The following SNTB2 variants were observed in gnomAD, a reference collection of about 807,000 sequenced individuals.
The protein encoded by SNTB2 is syntrophin beta 2.
In SNTB2, 34 loss-of-function variants were observed where a neutral mutation model predicts 46.2. That is an observed-to-expected ratio of 0.74 (90% confidence interval 0.56 to 0.98). SNTB2 has a LOEUF of 0.98. SNTB2 is among the 50% of genes least tolerant of loss of function. SNTB2 has a pLI of 0.00. For synonymous variants in SNTB2, 290 were observed against 312.6 expected (o/e 0.93, Z 0.76); for missense variants, 603 against 731.4 (o/e 0.82, Z 2.02).
At position 69,304,143 on chromosome 16, in the gene SNTB2, C is replaced by G. The variant is rs1965297844; in HGVS notation, c.*3219C>G. On this transcript the variant is annotated 3_prime_UTR_variant, in exon 7 of 7. Coordinates refer to ENST00000336278, the MANE Select transcript of SNTB2 (RefSeq NM_006750.4). ...GAAAAGGAAAGGAACAAAAGAAAAA[C>G]ATTCAGTTTTTCTTTTTCTGAAAAA... The G allele has an allele frequency of 6.6e-6, 1 of 152,194 alleles. No homozygotes were observed. The allele number at this position is 152,194 out of a possible 1,614,324, so 9.4% of individuals were successfully genotyped here. A position where few individuals can be genotyped will look rare whatever the true frequency, so the allele number is the denominator to read the frequency against.
At chr16:69,227,868 A>G (rs535345916) in intron 1 of SNTB2, among the ~76,000 whole-genome samples, 66 of 124,274 alleles carry the variant, frequency 5.3e-4, no homozygotes, top group Non-Finnish European at 1.0e-3. Flanking sequence ...TTTTTTTTTA[A>G]GATAAGTAAG....
intron 1 of SNTB2, among the ~76,000 whole-genome samples, chr16:69,194,691 T>C (rs532035870): frequency 5.9e-5 from 9 of 152,310 alleles, no homozygotes; most frequent in African/African-American, 2.2e-4. Flanking sequence ...CCAGATGTTC[T>C]ATTTGGCCAG....
chr16:69,281,485 G>GTTT (rs575825315), intron 4 of SNTB2, among the ~76,000 whole-genome samples: 117 of 135,818 alleles, frequency 8.6e-4, no homozygotes, highest in Non-Finnish European at 1.1e-3. Flanking sequence ...GTAAGGTCTG[G>GTTT]TTTTTTTTTT....
intron 1 of SNTB2, among the ~76,000 whole-genome samples, chr16:69,239,613 A>G (rs907816639): frequency 3.9e-5 from 6 of 152,124 alleles, no homozygotes; most frequent in African/African-American, 1.2e-4. Flanking sequence ...CAGTGGCGCA[A>G]TCTCAGCTCA....
chr16:69,260,334 T>G, intron 3 of SNTB2, 74 bp downstream of exon 3: 1 of 1,358,076 alleles, frequency 7.4e-7, no homozygotes, highest in Non-Finnish European at 1.0e-6. Context: ...TTAATATATC[T>G]GTAATACTTA....
chr16:69,225,794 G>T (rs967918886), intron 1 of SNTB2, among the ~76,000 whole-genome samples: 3 of 152,210 alleles, frequency 2.0e-5, no homozygotes, highest in Admixed American at 6.5e-5. Flanking sequence ...TGGAGACGGA[G>T]TCTCACTCTG....
intron 5 of SNTB2, among the ~76,000 whole-genome samples, chr16:69,286,642 G>A (rs1965105212): frequency 6.6e-6 from 1 of 151,636 alleles, no homozygotes; most frequent in South Asian, 2.1e-4. Flanking sequence ...CTATGGTAGT[G>A]CCATGGCACT....
At position 69,307,541 on chromosome 16, in the gene SNTB2, C is replaced by A. The variant is rs1965325481; in HGVS notation, c.*6617C>A. On this transcript the variant is annotated 3_prime_UTR_variant, in exon 7 of 7. Coordinates refer to ENST00000336278, the MANE Select transcript of SNTB2 (RefSeq NM_006750.4). Reference sequence around the variant, plus strand: ...TGCTTCTTTAACTGTAACAGCAAAACTAAATGCATATTTTATCAACCCCTT... The same window carrying A: ...TGCTTCTTTAACTGTAACAGCAAAAATAAATGCATATTTTATCAACCCCTT... The A allele has an allele frequency of 6.6e-6, 1 of 152,122 alleles. No individual in the cohort carries two copies. The highest frequency in any genetic ancestry group is 1.5e-5 in the Non-Finnish European group (1 of 68,020). The allele number at this position is 152,122 out of a possible 1,614,324, so 9.4% of individuals were successfully genotyped here.
intron 5 of SNTB2, among the ~76,000 whole-genome samples, chr16:69,284,554 G>A (rs772997881): frequency 2.7e-5 from 4 of 148,514 alleles, no homozygotes; most frequent in Non-Finnish European, 5.9e-5. Context: ...CAGGTGGATT[G>A]CCTGAGCTCA....
chr16:69,269,520 A>C (rs527764829), intron 3 of SNTB2, among the ~76,000 whole-genome samples: 3 of 152,344 alleles, frequency 2.0e-5, no homozygotes, highest in South Asian at 4.1e-4. Flanking sequence ...TCTCAGAAAA[A>C]AAAAAAGATA....
At chr16:69,245,260 A>T (rs573393063) in intron 1 of SNTB2, among the ~76,000 whole-genome samples, 2 of 152,146 alleles carry the variant, frequency 1.3e-5, no homozygotes, top group Non-Finnish European at 2.9e-5. Flanking sequence ...GTGCAGTGGC[A>T]CAATCTCACT....
intron 4 of SNTB2, among the ~76,000 whole-genome samples, chr16:69,280,874 T>C (rs1965036134): frequency 6.6e-6 from 1 of 151,784 alleles, no homozygotes; most frequent in South Asian, 2.1e-4. Flanking sequence ...CTTGGCTCAC[T>C]GTAAGCTCTG....
intron 1 of SNTB2, among the ~76,000 whole-genome samples, chr16:69,217,330 C>T (rs1443020647): frequency 6.6e-6 from 1 of 151,920 alleles, no homozygotes; most frequent in African/African-American, 2.4e-5. Flanking sequence ...AAAAATTAGC[C>T]GAACATTGTG....
intron 1 of SNTB2, among the ~76,000 whole-genome samples, chr16:69,211,270 T>G (rs753772804): frequency 6.6e-6 from 1 of 152,124 alleles, no homozygotes; most frequent in Admixed American, 6.6e-5. Flanking sequence ...ATAATTTTAA[T>G]TTCATGCCCA....
chr16:69,256,053 G>T (rs1597188951), intron 2 of SNTB2, among the ~76,000 whole-genome samples: 1 of 152,076 alleles, frequency 6.6e-6, no homozygotes, highest in Admixed American at 6.6e-5. Context: ...ATGCGTGGTG[G>T]CCGGCGCCTG....
intron 4 of SNTB2, among the ~76,000 whole-genome samples, chr16:69,283,812 G>T (rs1203527712): frequency 6.6e-6 from 1 of 152,088 alleles, no homozygotes; most frequent in Non-Finnish European, 1.5e-5. Flanking sequence ...GAGGCAGGAG[G>T]ATTATTTGAG....
chr16:69,229,544 A>G (rs987645249), intron 1 of SNTB2, among the ~76,000 whole-genome samples: 5 of 148,218 alleles, frequency 3.4e-5, no homozygotes, highest in African/African-American at 1.2e-4. Flanking sequence ...GTGGTACAGT[A>G]ATAGCTCACT....
rs1467807143 is a variant in SNTB2, at chr16:69,307,020, G to A, written c.*6096G>A. 1 of 152,158 alleles carries A rather than the reference G, an allele frequency of 6.6e-6. No homozygotes were observed. The highest frequency in any genetic ancestry group is 2.4e-5 in the African/African-American group (1 of 41,442). The allele number at this position is 152,158 out of a possible 1,614,324, so 9.4% of individuals were successfully genotyped here. On this transcript the variant is annotated 3_prime_UTR_variant, in exon 7 of 7. Transcript: ENST00000336278. ...CAGTTTGCAATAATCTTACGTCCAT[G>A]CTATTGACACTAATTTTGAAACTGG...
At position 69,292,418 on chromosome 16, in the gene SNTB2, T is replaced by A. The variant is rs1326796451; in HGVS notation, c.1346-7172T>A. Among the ~76,000 whole-genome samples the A allele has an allele frequency of 1.4e-4, 2 of 14,248 alleles. 1 individual carries two copies. Among genetic ancestry groups the A allele is most frequent in the Non-Finnish European group, 2.2e-4 (2 of 9,270 alleles). 9.3% of individuals were successfully genotyped at this position (14,248 alleles called of 152,430 possible). A position where few individuals can be genotyped will look rare whatever the true frequency, so the allele number is the denominator to read the frequency against. On this transcript the variant is annotated intron_variant, in intron 5 of 6. Transcript: ENST00000336278. ...TATATATATATATATTATATATATA[T>A]TATATATATATATATATTATATATA...
Sources: gnomAD v4.1 joint callset for allele counts (sites outside exome capture counted in the v4.1 genomes callset) on GRCh38, gnomAD v4.1.1 for gene constraint, MANE v1.5 for transcripts, NCBI Gene and HGNC (gene_info 2026-07-23, HGNC 2026-07-21) for gene names.